The following AUTS2 variants were observed in gnomAD, a reference collection of about 807,000 sequenced individuals.
The protein encoded by AUTS2 is autism susceptibility gene 2 protein.
AUTS2 carries 17 observed loss-of-function variants against 112.4 expected under a neutral mutation model. The observed-to-expected ratio is 0.15, with a 90% confidence interval of 0.10 to 0.23. The LOEUF (loss-of-function observed/expected upper bound fraction) is 0.23, where lower values mean the gene tolerates loss of function less well. Ranked by LOEUF, AUTS2 falls within the 10% of genes least tolerant of loss-of-function variation. The pLI, the probability that AUTS2 is intolerant of heterozygous loss-of-function variation, is 1.00. For missense variants in AUTS2, 1,510 were observed against 1,701.6 expected (o/e 0.89, Z 1.98); for synonymous variants, 751 against 702.7 (o/e 1.07, Z -1.09).
Position 70,768,038 on chromosome 7 carries a change from T to C in AUTS2, c.1704T>C (p.Pro568=). 1 of 1,609,078 alleles carries C rather than the reference T, an allele frequency of 6.2e-7. No homozygotes were observed. The highest frequency in any genetic ancestry group is 8.5e-7 in the Non-Finnish European group (1 of 1,178,504). The change falls in exon 10 of 19, where the codon CCT becomes CCC. Residue 568 remains proline (P), a synonymous_variant. Transcript: ENST00000342771. The stretch of plus-strand genomic sequence containing the variant: ...TCCCTTTACAGTTTGACAAATACCC[T>C]ACAAAAGTTGACCCATTCTACCGGC... ...TPAPPMFDKY[P]TKVDPFYRHS... is the part of the protein sequence containing the mutation.
chr7:69,717,055 A>G (rs923406498), intron 1 of AUTS2, among the ~76,000 whole-genome samples: 4 of 152,156 alleles, frequency 2.6e-5, no homozygotes, highest in Non-Finnish European at 5.9e-5. Flanking sequence ...TTTATTACAT[A>G]GGCAGGATCG....
chr7:70,609,050 A>T (rs937779848), intron 5 of AUTS2, among the ~76,000 whole-genome samples: 1 of 152,240 alleles, frequency 6.6e-6, no homozygotes, highest in Non-Finnish European at 1.5e-5. Flanking sequence ...GCTAATTAAC[A>T]TACGTATGAC....
chr7:70,252,261 G>T (rs1270830473), intron 4 of AUTS2, among the ~76,000 whole-genome samples: 1 of 152,020 alleles, frequency 6.6e-6, no homozygotes, highest in Non-Finnish European at 1.5e-5. Flanking sequence ...ATGCACAAGG[G>T]TTCTCATTTC....
At chr7:70,435,842 C>G in intron 5 of AUTS2, 61 bp downstream of exon 5, 1 of 1,556,966 alleles carries the variant, frequency 6.4e-7, no homozygotes, top group South Asian at 1.1e-5. Flanking sequence ...CCAGAGTCCT[C>G]CCACACACAG....
intron 4 of AUTS2, among the ~76,000 whole-genome samples, chr7:70,372,937 A>T (rs1385730921): frequency 6.6e-6 from 1 of 152,122 alleles, no homozygotes; most frequent in African/African-American, 2.4e-5. Flanking sequence ...CTGTCAAATT[A>T]GCAGGTCTGG....
intron 2 of AUTS2, among the ~76,000 whole-genome samples, chr7:69,942,919 G>C (rs1402348693): frequency 1.3e-5 from 2 of 152,190 alleles, no homozygotes; most frequent in African/African-American, 4.8e-5. Flanking sequence ...TGTATTTACT[G>C]ACTAGAAAGA....
intron 1 of AUTS2, among the ~76,000 whole-genome samples, chr7:69,636,338 C>G (rs994239190): frequency 7.2e-5 from 11 of 152,174 alleles, no homozygotes; most frequent in African/African-American, 2.4e-4. Context: ...TCAAGCGATT[C>G]TCCTGCTGCA....
At chr7:70,615,551 T>G (rs886410646) in intron 5 of AUTS2, among the ~76,000 whole-genome samples, 1 of 147,352 alleles carries the variant, frequency 6.8e-6, no homozygotes, top group Non-Finnish European at 1.5e-5. Context: ...AAAAAACCTC[T>G]AGAAGATTTA....
chr7:70,187,758 C>A (rs1809679699), intron 4 of AUTS2, among the ~76,000 whole-genome samples: 1 of 147,156 alleles, frequency 6.8e-6, no homozygotes, highest in South Asian at 2.2e-4. Flanking sequence ...GACTGTCAGA[C>A]ATACTCAACT....
chr7:70,388,676 T>C (rs186195710), intron 4 of AUTS2, among the ~76,000 whole-genome samples: 2 of 152,310 alleles, frequency 1.3e-5, no homozygotes, highest in South Asian at 2.1e-4. Flanking sequence ...TCTATACTTA[T>C]TTTAGGTTAG....
In AUTS2 at chr7:70,758,571, T is replaced by G. The variant is rs139467207; in HGVS notation, c.743-4299T>G. On this transcript the variant is annotated intron_variant, in intron 6 of 18. Coordinates refer to ENST00000342771, the MANE Select transcript of AUTS2 (RefSeq NM_015570.4). ...CAATGTAATTTGAATTTGCATGTAT[T>G]TTAGTATAAGCATGATGAACTATTT... Among the ~76,000 whole-genome samples, 218 of 152,362 alleles carry G rather than the reference T, an allele frequency of 1.4e-3. 1 individual carries two copies. The highest frequency in any genetic ancestry group is 4.6e-3 in the African/African-American group (190 of 41,596).
intron 4 of AUTS2, among the ~76,000 whole-genome samples, chr7:70,224,585 G>T (rs1281601578): frequency 6.6e-6 from 1 of 152,026 alleles, no homozygotes; most frequent in African/African-American, 2.4e-5. Flanking sequence ...ATTGAAGAAA[G>T]AAATTTTTAA....
chr7:70,268,463 ATTAT>A (rs1392228053), intron 4 of AUTS2, among the ~76,000 whole-genome samples: 1 of 152,194 alleles, frequency 6.6e-6, no homozygotes, highest in African/African-American at 2.4e-5. Context: ...GATAGGGACC[ATTAT>A]TTGTTTATTA....
chr7:70,647,999 A>G (rs1004581664), intron 5 of AUTS2, among the ~76,000 whole-genome samples: 3 of 152,186 alleles, frequency 2.0e-5, no homozygotes, highest in African/African-American at 7.2e-5. Flanking sequence ...GGAGACTGGA[A>G]ATAGCTGAGT....
intron 2 of AUTS2, among the ~76,000 whole-genome samples, chr7:70,090,352 C>T (rs1202012631): frequency 6.6e-6 from 1 of 151,830 alleles, no homozygotes; most frequent in East Asian, 1.9e-4. Context: ...TTTGAAGAAA[C>T]TTACATAATA....
chr7:69,933,597 A>T (rs1204040231), intron 2 of AUTS2, among the ~76,000 whole-genome samples: 1 of 152,212 alleles, frequency 6.6e-6, no homozygotes, highest in Non-Finnish European at 1.5e-5. Context: ...TTTTTAGAAT[A>T]AAAAAGGAAA....
At chr7:70,266,396 G>A (rs548854091) in intron 4 of AUTS2, among the ~76,000 whole-genome samples, 53 of 152,254 alleles carry the variant, frequency 3.5e-4, no homozygotes, top group Non-Finnish European at 5.3e-4. Flanking sequence ...AATGGGTATA[G>A]GGTTTTCCTT....
chr7:70,178,620 C>T (rs921224984), intron 4 of AUTS2, among the ~76,000 whole-genome samples: 33 of 151,860 alleles, frequency 2.2e-4, no homozygotes, highest in African/African-American at 7.3e-4. Flanking sequence ...GCCAACATGA[C>T]GAATCCCCGT....
At chr7:70,370,167 T>C (rs530562160) in intron 4 of AUTS2, among the ~76,000 whole-genome samples, 1 of 152,274 alleles carries the variant, frequency 6.6e-6, no homozygotes, top group East Asian at 1.9e-4. Flanking sequence ...TTTATTGAGT[T>C]ATAGTTCACA....
Sources: gnomAD v4.1 joint callset for allele counts (sites outside exome capture counted in the v4.1 genomes callset) on GRCh38, gnomAD v4.1.1 for gene constraint, MANE v1.5 for transcripts, NCBI Gene and HGNC (gene_info 2026-07-23, HGNC 2026-07-21) for gene names.